Variants in PCDH15 observed in about 807,000 individuals in gnomAD.
PCDH15 encodes protocadherin related 15.
In PCDH15, 129 loss-of-function variants were observed where a neutral mutation model predicts 178.5. The ratio of observed to expected loss-of-function variants is 0.72; its 90% CI spans 0.63 to 0.84. PCDH15 has a LOEUF of 0.84. PCDH15 is among the 40% of genes least tolerant of loss of function. The pLI is 0.00. For missense variants in PCDH15, 2,230 were observed against 2,099.9 expected (o/e 1.06, Z -1.21); for synonymous variants, 800 against 732.0 (o/e 1.09, Z -1.50).
chr10:55,113,716 A>G (rs1360535822), intron 2 of PCDH15, among the ~76,000 whole-genome samples: 2 of 152,084 alleles, frequency 1.3e-5, no homozygotes, highest in Non-Finnish European at 2.9e-5. Flanking sequence ...TAGCTGCAGA[A>G]TCCTCCCCCA....
intron 3 of PCDH15, among the ~76,000 whole-genome samples, chr10:54,873,576 A>G (rs146246646): frequency 0.013 from 910 of 67,934 alleles, 15 homozygotes; most frequent in African/African-American, 0.04. Flanking sequence ...GTGTGTGTGT[A>G]TATATATATA....
At chr10:55,283,965 T>C (rs1165660906) in intron 1 of PCDH15, among the ~76,000 whole-genome samples, 2 of 152,300 alleles carry the variant, frequency 1.3e-5, no homozygotes, top group South Asian at 4.1e-4. Flanking sequence ...AATTAAGCTC[T>C]ATACAATACA....
At chr10:54,142,276 G>T (rs2133192351) in intron 14 of PCDH15, among the ~76,000 whole-genome samples, 1 of 152,196 alleles carries the variant, frequency 6.6e-6, no homozygotes, top group Non-Finnish European at 1.5e-5. Flanking sequence ...ACTAATCCTT[G>T]TGCTGTTAAG....
chr10:55,140,609 CAG>C, intron 2 of PCDH15, among the ~76,000 whole-genome samples: 1 of 151,942 alleles, frequency 6.6e-6, no homozygotes, highest in Non-Finnish European at 1.5e-5. Flanking sequence ...GTTTTGATAT[CAG>C]AGAAATACTA....
At chr10:55,324,692 T>G (rs1036974856) in intron 2 of PCDH15, among the ~76,000 whole-genome samples, 1 of 152,070 alleles carries the variant, frequency 6.6e-6, no homozygotes, top group Non-Finnish European at 1.5e-5. Flanking sequence ...CTACAATTTT[T>G]TTTTAGTTTA....
At chr10:54,647,956 A>G (rs893659597) in intron 2 of PCDH15, among the ~76,000 whole-genome samples, 2 of 152,094 alleles carry the variant, frequency 1.3e-5, no homozygotes, top group African/African-American at 4.8e-5. Flanking sequence ...ACTTGGTATC[A>G]TATCATCAAA....
intron 24 of PCDH15, among the ~76,000 whole-genome samples, chr10:53,940,517 G>A (rs760770121): frequency 7.9e-5 from 12 of 152,098 alleles, no homozygotes; most frequent in Non-Finnish European, 1.8e-4. Flanking sequence ...TGGGGCGGAC[G>A]AAGCTACTGT....
chr10:54,404,514 T>G (rs1042227632), intron 3 of PCDH15, among the ~76,000 whole-genome samples: 9 of 151,984 alleles, frequency 5.9e-5, no homozygotes, highest in Non-Finnish European at 1.3e-4. Flanking sequence ...TATACAAAAA[T>G]GAACTCAAGA....
intron 2 of PCDH15, among the ~76,000 whole-genome samples, chr10:55,544,578 GAGA>G (rs1318783939): frequency 6.6e-6 from 1 of 152,008 alleles, no homozygotes; most frequent in Non-Finnish European, 1.5e-5. Flanking sequence ...TACTGTTAGG[GAGA>G]AGATTTTCTT....
At chr10:55,478,061 A>G (rs1840098645) in intron 2 of PCDH15, among the ~76,000 whole-genome samples, 1 of 151,884 alleles carries the variant, frequency 6.6e-6, no homozygotes, top group African/African-American at 2.4e-5. Flanking sequence ...AATGGACTTT[A>G]AGTAAAAAAA....
chr10:55,475,968 T>A (rs1168026231), intron 2 of PCDH15, among the ~76,000 whole-genome samples: 1 of 152,098 alleles, frequency 6.6e-6, no homozygotes, highest in East Asian at 1.9e-4. Flanking sequence ...TATATCTGAA[T>A]AACAGTCATC....
chr10:54,781,671 C>T (rs993488576), intron 1 of PCDH15, among the ~76,000 whole-genome samples: 1 of 152,150 alleles, frequency 6.6e-6, no homozygotes, highest in African/African-American at 2.4e-5. Flanking sequence ...TTATTATTTT[C>T]TAAATATCTG....
At chr10:55,273,848 A>G (rs1216117156) in intron 1 of PCDH15, among the ~76,000 whole-genome samples, 1 of 152,142 alleles carries the variant, frequency 6.6e-6, no homozygotes, top group Non-Finnish European at 1.5e-5. Flanking sequence ...AAAATTCACA[A>G]ACAATTTGAA....
intron 1 of PCDH15, among the ~76,000 whole-genome samples, chr10:54,760,111 T>G (rs1947681907): frequency 6.6e-6 from 1 of 152,176 alleles, no homozygotes; most frequent in Non-Finnish European, 1.5e-5. Context: ...CTATACAGAC[T>G]TTCAGGAATT....
At chr10:54,223,627 AC>A (rs2053135178) in intron 9 of PCDH15, among the ~76,000 whole-genome samples, 1 of 151,016 alleles carries the variant, frequency 6.6e-6, no homozygotes, top group Non-Finnish European at 1.5e-5. Context: ...TTAGCATAAT[AC>A]TTCTGATTCC....
intron 2 of PCDH15, among the ~76,000 whole-genome samples, chr10:55,412,548 AT>A (rs1274145821): frequency 2.6e-5 from 4 of 151,976 alleles, no homozygotes; most frequent in African/African-American, 7.2e-5. Flanking sequence ...ACAATAAAGT[AT>A]TTTTTAAAAG....
chr10:55,157,326 G>A (rs1435646902), intron 2 of PCDH15, among the ~76,000 whole-genome samples: 12 of 150,158 alleles, frequency 8.0e-5, no homozygotes, highest in South Asian at 6.4e-4. Flanking sequence ...AGAGGATGTG[G>A]AGAAATAGGA....
chr10:54,475,850 G>A (rs1188003726), intron 3 of PCDH15, among the ~76,000 whole-genome samples: 1 of 150,654 alleles, frequency 6.6e-6, no homozygotes, highest in Non-Finnish European at 1.5e-5. Context: ...TACATAAACT[G>A]TCAACAAATT....
chr10:54,216,782 C>T (rs181768061), intron 9 of PCDH15, among the ~76,000 whole-genome samples: 200 of 152,168 alleles, frequency 1.3e-3, no homozygotes, highest in Non-Finnish European at 1.7e-3. Flanking sequence ...ACCCATACAT[C>T]CCACATCTGG....
Sources: gnomAD v4.1 joint callset for allele counts (sites outside exome capture counted in the v4.1 genomes callset) on GRCh38, gnomAD v4.1.1 for gene constraint, MANE v1.5 for transcripts, NCBI Gene and HGNC (gene_info 2026-07-23, HGNC 2026-07-21) for gene names.